Variants in SCAPER observed in about 807,000 individuals in gnomAD.
SCAPER encodes the protein S phase cyclin A-associated protein in the endoplasmic reticulum.
In SCAPER, 98 loss-of-function variants were observed where a neutral mutation model predicts 182.2. The observed-to-expected ratio is 0.54, with a 90% CI of 0.46 to 0.64. The LOEUF is 0.64. Ranked by LOEUF, SCAPER falls within the 30% of genes least tolerant of loss-of-function variation. The pLI is 0.00. For synonymous variants in SCAPER, 605 were observed against 564.6 expected (o/e 1.07, Z -1.01); for missense variants, 1,432 against 1,690.0 (o/e 0.85, Z 2.68).
chr15:76,619,191 T>G (rs1030512059), intron 22 of SCAPER, among the ~76,000 whole-genome samples: 3 of 152,224 alleles, frequency 2.0e-5, no homozygotes, highest in Non-Finnish European at 4.4e-5. Flanking sequence ...CTACTTGATA[T>G]AAATGGAATC....
chr15:76,413,449 C>A (rs569180191), intron 26 of SCAPER, among the ~76,000 whole-genome samples: 1 of 151,976 alleles, frequency 6.6e-6, no homozygotes, highest in East Asian at 1.9e-4. Context: ...TCTTAGTTTC[C>A]TTTTGTTGAG....
At chr15:76,379,409 G>A (rs1010018095) in intron 28 of SCAPER, among the ~76,000 whole-genome samples, 1 of 152,172 alleles carries the variant, frequency 6.6e-6, no homozygotes, top group Non-Finnish European at 1.5e-5. Context: ...CATTCCAAAT[G>A]AGAGCCAGGG....
At chr15:76,676,023 C>T (rs965016873) in intron 20 of SCAPER, among the ~76,000 whole-genome samples, 3 of 152,146 alleles carry the variant, frequency 2.0e-5, no homozygotes, top group African/African-American at 7.2e-5. Flanking sequence ...TGGGGTTTTG[C>T]CATGTTGGCC....
chr15:76,653,254 T>C (rs1209332215), intron 21 of SCAPER, among the ~76,000 whole-genome samples: 1 of 152,136 alleles, frequency 6.6e-6, no homozygotes, highest in Non-Finnish European at 1.5e-5. Flanking sequence ...TGCTCATGGA[T>C]TGGAAGAGTC....
chr15:76,629,164 A>C (rs140755276), intron 21 of SCAPER, among the ~76,000 whole-genome samples: 2 of 152,244 alleles, frequency 1.3e-5, no homozygotes, highest in African/African-American at 4.8e-5. Context: ...TTGGGCTGAG[A>C]CAATGGGGTT....
At chr15:76,721,703 T>C (rs1218271238) in intron 17 of SCAPER, among the ~76,000 whole-genome samples, 1 of 151,996 alleles carries the variant, frequency 6.6e-6, no homozygotes, top group Non-Finnish European at 1.5e-5. Flanking sequence ...GAATGGGAGT[T>C]CACTCATGAT....
At position 76,873,956 on chromosome 15, in the gene SCAPER, C is replaced by T. The variant is rs528487956; in HGVS notation, c.6+9856G>A. Among the ~76,000 whole-genome samples the T allele has an allele frequency of 6.6e-5, 10 of 151,652 alleles. No homozygotes were observed. The East Asian group carries it at 1.9e-3, about 29-fold the overall frequency. On this transcript the variant is annotated intron_variant, in intron 2 of 31. Transcript: ENST00000563290. ...TTGCCCAGGCTGGACTGCAGTAGTG[C>T]CATCTTGACTCACTGCAGCCTCTGC...
At chr15:76,656,178 T>C (rs1385407289) in intron 21 of SCAPER, among the ~76,000 whole-genome samples, 1 of 152,046 alleles carries the variant, frequency 6.6e-6, no homozygotes, top group Non-Finnish European at 1.5e-5. Context: ...CAAGCAGTGA[T>C]AGCCACAGGT....
intron 25 of SCAPER, among the ~76,000 whole-genome samples, chr15:76,470,379 G>A (rs1186419934): frequency 6.6e-6 from 1 of 152,070 alleles, no homozygotes; most frequent in African/African-American, 2.4e-5. Flanking sequence ...GAGTCAGGCT[G>A]GGGAAGATCT....
At chr15:76,669,656 T>G (rs1415935482) in intron 20 of SCAPER, among the ~76,000 whole-genome samples, 2 of 152,156 alleles carry the variant, frequency 1.3e-5, no homozygotes, top group Non-Finnish European at 2.9e-5. Context: ...ACACAGATGT[T>G]TACTGATGCA....
At chr15:76,776,326 G>A (rs1162631027) in intron 8 of SCAPER, among the ~76,000 whole-genome samples, 2 of 152,056 alleles carry the variant, frequency 1.3e-5, no homozygotes, top group Non-Finnish European at 2.9e-5. Flanking sequence ...AAACACCAAT[G>A]GAACCCCTGT....
At chr15:76,890,723 A>G (rs965512671) in intron 1 of SCAPER, among the ~76,000 whole-genome samples, 9 of 152,164 alleles carry the variant, frequency 5.9e-5, no homozygotes, top group African/African-American at 1.9e-4. Context: ...ATTCACAGCC[A>G]AATTCTACCA....
chr15:76,732,030 A>G (rs1471257193), intron 16 of SCAPER, among the ~76,000 whole-genome samples: 2 of 152,228 alleles, frequency 1.3e-5, no homozygotes, highest in African/African-American at 4.8e-5. Flanking sequence ...TTCTATTGCT[A>G]TGATTACAGT....
intron 5 of SCAPER, among the ~76,000 whole-genome samples, chr15:76,837,939 T>C (rs928631329): frequency 5.3e-5 from 8 of 152,204 alleles, no homozygotes; most frequent in Non-Finnish European, 8.8e-5. Flanking sequence ...GGAATGCTTA[T>C]ACACTGCTGG....
intron 22 of SCAPER, among the ~76,000 whole-genome samples, chr15:76,621,326 A>G (rs1021705439): frequency 3.3e-5 from 5 of 152,224 alleles, no homozygotes; most frequent in Non-Finnish European, 7.3e-5. Context: ...TTAGCATTAG[A>G]GAACTCTAAT....
intron 22 of SCAPER, among the ~76,000 whole-genome samples, chr15:76,614,391 TA>T (rs1429476619): frequency 6.6e-6 from 1 of 152,074 alleles, no homozygotes; most frequent in Non-Finnish European, 1.5e-5. Flanking sequence ...ACCCTGAACT[TA>T]AAAGTTAAAA....
intron 24 of SCAPER, among the ~76,000 whole-genome samples, chr15:76,483,628 T>G (rs1015187904): frequency 6.6e-6 from 1 of 152,130 alleles, no homozygotes; most frequent in African/African-American, 2.4e-5. Flanking sequence ...ATCCAGGATA[T>G]TCAAAGAACT....
intron 22 of SCAPER, among the ~76,000 whole-genome samples, chr15:76,616,518 A>C (rs1209483772): frequency 1.3e-5 from 2 of 152,198 alleles, no homozygotes; most frequent in African/African-American, 4.8e-5. Flanking sequence ...TAGTTTTATA[A>C]GATGAAAATA....
intron 23 of SCAPER, among the ~76,000 whole-genome samples, chr15:76,560,483 T>C (rs1306205255): frequency 3.3e-5 from 5 of 152,156 alleles, no homozygotes; most frequent in Non-Finnish European, 7.4e-5. Context: ...AACCTTATAT[T>C]TTACTGATAA....
Sources: allele counts gnomAD v4.1 joint callset (sites outside exome capture counted in the v4.1 genomes callset), GRCh38; gene constraint gnomAD v4.1.1; transcripts MANE v1.5; gene names NCBI Gene and HGNC (gene_info 2026-07-23, HGNC 2026-07-21).